Variants in CCDC7 observed in about 807,000 individuals in gnomAD.
The protein encoded by CCDC7 is coiled-coil domain-containing protein 7.
A neutral mutation model predicts 196.9 loss-of-function variants in CCDC7; 183 were observed. The ratio of observed to expected loss-of-function variants is 0.93; its 90% confidence interval spans 0.82 to 1.05. CCDC7 has a LOEUF of 1.05. Among genes scored for constraint, CCDC7 ranks in the 50% least tolerant of loss-of-function variants. The pLI is 0.00. For missense variants in CCDC7, 1,540 were observed against 1,482.2 expected (o/e 1.04, Z -0.64); for synonymous variants, 525 against 484.6 (o/e 1.08, Z -1.10).
intron 25 of CCDC7, among the ~76,000 whole-genome samples, chr10:32,715,674 T>C (rs1320106116): frequency 6.6e-6 from 1 of 152,210 alleles, no homozygotes; most frequent in Non-Finnish European, 1.5e-5. Flanking sequence ...CAGGAACTGC[T>C]AACTAGAATA....
chr10:32,472,111 C>T (rs1008449981), intron 6 of CCDC7, among the ~76,000 whole-genome samples: 5 of 152,076 alleles, frequency 3.3e-5, no homozygotes, highest in African/African-American at 1.2e-4. Flanking sequence ...AGGTTTTGAC[C>T]CAAAGGTCAG....
intron 33 of CCDC7, among the ~76,000 whole-genome samples, chr10:32,841,779 A>G (rs947246167): frequency 1.3e-5 from 2 of 152,142 alleles, no homozygotes; most frequent in African/African-American, 4.8e-5. Context: ...ATGGAACAGA[A>G]TAAAGAACCC....
At chr10:32,650,759 A>G (rs965494303) in intron 20 of CCDC7, among the ~76,000 whole-genome samples, 1 of 151,492 alleles carries the variant, frequency 6.6e-6, no homozygotes, top group African/African-American at 2.4e-5. Context: ...TCTGCTTGCA[A>G]CTCCCTCCTC....
rs939788729 is a variant in CCDC7 at position 32,791,717 on chromosome 10, AG to A, written c.3013+12635del. Among the ~76,000 whole-genome samples the A allele has an allele frequency of 1.1e-3, 167 of 152,076 alleles. 3 individuals are homozygous for A. Among genetic ancestry groups the A allele is most frequent in the Non-Finnish European group, 2.8e-4 (19 of 68,008 alleles). The stretch of plus-strand genomic sequence containing the variant: ...AATGAAAAAGAATGAAGAACACTAA[AG>A]GACTTATGAGACATCATTAGGTTAG... On this transcript the variant is annotated intron_variant, in intron 29 of 41. Transcript: ENST00000639629.
chr10:32,466,256 CTTT>C (rs35430926), intron 5 of CCDC7, among the ~76,000 whole-genome samples: 1 of 50,476 alleles, frequency 2.0e-5, no homozygotes, highest in African/African-American at 4.8e-5. Context: ...GTTTCTCTCT[CTTT>C]TTTTTTTTTT....
intron 28 of CCDC7, among the ~76,000 whole-genome samples, chr10:32,744,536 C>G (rs1336218816): frequency 1.3e-5 from 2 of 152,108 alleles, no homozygotes; most frequent in African/African-American, 4.8e-5. Context: ...AATTGTGTTT[C>G]ATTGTTGTTC....
At chr10:32,615,641 A>AT (rs1421739830) in intron 18 of CCDC7, among the ~76,000 whole-genome samples, 1 of 151,714 alleles carries the variant, frequency 6.6e-6, no homozygotes, top group African/African-American at 2.4e-5. Flanking sequence ...TACTCCATTG[A>AT]TTGTTTCCTT....
At chr10:32,766,888 G>A (rs2078397810) in intron 28 of CCDC7, among the ~76,000 whole-genome samples, 1 of 152,036 alleles carries the variant, frequency 6.6e-6, no homozygotes, top group Non-Finnish European at 1.5e-5. Flanking sequence ...AGCAATATGA[G>A]GTTAAAACCA....
At chr10:32,568,069 C>T (rs141319906) in intron 15 of CCDC7, among the ~76,000 whole-genome samples, 178 bp downstream of exon 16, 5,657 of 134,726 alleles carry the variant, frequency 0.042, 119 homozygotes, top group Middle Eastern at 0.065. Flanking sequence ...TGCTATGGTG[C>T]GATCTTGGCT....
chr10:32,501,589 C>T (rs560682756), intron 9 of CCDC7, among the ~76,000 whole-genome samples: 1 of 152,326 alleles, frequency 6.6e-6, no homozygotes, highest in Non-Finnish European at 1.5e-5. Flanking sequence ...TTCTTTCTAA[C>T]AGACCCCTCT....
chr10:32,497,924 C>G (rs1234720418), intron 9 of CCDC7, among the ~76,000 whole-genome samples: 1 of 152,086 alleles, frequency 6.6e-6, no homozygotes, highest in African/African-American at 2.4e-5. Context: ...TGGTCTGGAG[C>G]TGAGTTCAAG....
intron 26 of CCDC7, among the ~76,000 whole-genome samples, chr10:32,728,546 A>G (rs1366887033): frequency 6.6e-6 from 1 of 152,244 alleles, no homozygotes; most frequent in African/African-American, 2.4e-5. Context: ...AAATAATGCT[A>G]TAACGAATGA....
intron 18 of CCDC7, among the ~76,000 whole-genome samples, chr10:32,604,699 T>G: frequency 6.6e-6 from 1 of 152,200 alleles, no homozygotes; most frequent in African/African-American, 2.4e-5. Context: ...TAAATGGGAT[T>G]GCTTTCTTGA....
Position 32,830,121 on chromosome 10 carries a change from GAT to G in CCDC7, c.3269-4675_3269-4674del. On this transcript the variant is annotated intron_variant, in intron 32 of 41. Coordinates refer to ENST00000639629, the Ensembl canonical transcript of CCDC7. ...TCCTATTAGTTCTTATATATATAAGGATATATATATATATATATATCCTATTA... is the reference window on the plus strand; with the variant it reads ...TCCTATTAGTTCTTATATATATAAGGATATATATATATATATATCCTATTA... 3.6e-3 allele frequency among the ~76,000 whole-genome samples: 182 copies of G among 50,648 alleles called. 35 individuals carry two copies. Among genetic ancestry groups the G allele is most frequent in the Admixed American group, 0.013 (51 of 3,876 alleles). 33.2% of individuals were successfully genotyped at this position (50,648 alleles called of 152,430 possible).
chr10:32,803,675 T>G (rs1199004883), intron 29 of CCDC7, among the ~76,000 whole-genome samples: 2 of 152,182 alleles, frequency 1.3e-5, no homozygotes, highest in Non-Finnish European at 1.5e-5. Context: ...TTCTTGGTTT[T>G]TTGTTATCAA....
At chr10:32,601,941 A>G (rs955060311) in intron 18 of CCDC7, among the ~76,000 whole-genome samples, 6 of 152,178 alleles carry the variant, frequency 3.9e-5, no homozygotes, top group Non-Finnish European at 8.8e-5. Flanking sequence ...AATCAACAGG[A>G]TGTGGGCGGG....
chr10:32,612,371 GA>G (rs2062252229), intron 18 of CCDC7, among the ~76,000 whole-genome samples: 2 of 151,910 alleles, frequency 1.3e-5, no homozygotes, highest in Non-Finnish European at 1.5e-5. Context: ...GCAACAGAGA[GA>G]ATTTGACTTC....
intron 18 of CCDC7, among the ~76,000 whole-genome samples, chr10:32,591,935 G>A (rs2059820759): frequency 6.6e-6 from 1 of 152,144 alleles, no homozygotes; most frequent in South Asian, 2.1e-4. Flanking sequence ...TACCTAAGCT[G>A]TTTTTTGGTT....
At chr10:32,776,290 A>G (rs541045585) in intron 28 of CCDC7, among the ~76,000 whole-genome samples, 3 of 152,292 alleles carry the variant, frequency 2.0e-5, no homozygotes, top group South Asian at 4.1e-4. Context: ...ATAAAAAAAA[A>G]ATCTAGATTT....
Sources: gnomAD v4.1 joint callset for allele counts (sites outside exome capture counted in the v4.1 genomes callset) on GRCh38, gnomAD v4.1.1 for gene constraint, MANE v1.5 for transcripts, NCBI Gene and HGNC (gene_info 2026-07-23, HGNC 2026-07-21) for gene names.